The following MTAP variants were observed in gnomAD, a reference collection of about 807,000 sequenced individuals.
MTAP encodes the protein S-methyl-5'-thioadenosine phosphorylase.
A neutral mutation model predicts 33.6 loss-of-function variants in MTAP; 33 were observed. That is an observed-to-expected ratio of 0.98 (90% CI 0.74 to 1.31). The LOEUF (loss-of-function observed/expected upper bound fraction) is 1.31. Among genes scored for constraint, MTAP ranks in the 40% most tolerant of loss-of-function variants. The pLI, the probability that MTAP is intolerant of heterozygous loss-of-function variation, is 0.00. For synonymous variants in MTAP, 148 were observed against 125.7 expected (o/e 1.18, Z -1.19); for missense variants, 367 against 360.0 (o/e 1.02, Z -0.16).
chr9:21,887,697 G>A (rs539870496), intron 1 of MTAP, among the ~76,000 whole-genome samples: 61 of 152,236 alleles, frequency 4.0e-4, no homozygotes, highest in Admixed American at 1.8e-3. Context: ...ACTGACTTCC[G>A]CAATGGTTGA....
At chr9:21,937,011 C>T (rs1452552668) in exon 8 of MTAP, 1 of 152,182 alleles carries the variant, frequency 6.6e-6, no homozygotes, top group East Asian at 1.9e-4. Flanking sequence ...AAATGAATGA[C>T]TCTTGTATGG....
chr9:21,941,104 AT>A (rs796261073), downstream of MTAP: 41 of 680,766 alleles, frequency 6.0e-5, no homozygotes, highest in African/African-American at 8.0e-4. Flanking sequence ...AAATTTTAAA[AT>A]GTACCAGTTA....
rs1825834854 is a variant in MTAP at position 21,865,253 on chromosome 9, C to CAAA, written c.*3239_*3240insAAA. The stretch of plus-strand genomic sequence containing the variant: ...CTGTTTGTTTTATAAGGGGCTTTTC[C>CAAA]CCCTTTTGCTCAACACTTCTTCCTG... On this transcript the variant is annotated 3_prime_UTR_variant, in exon 8 of 8. Transcript: ENST00000644715. The CAAA allele has an allele frequency of 2.2e-6, 1 of 449,220 alleles. No homozygotes were observed. Among genetic ancestry groups the CAAA allele is most frequent in the Non-Finnish European group, 2.9e-6 (1 of 340,170 alleles). 27.8% of individuals were successfully genotyped at this position (449,220 alleles called of 1,614,324 possible). A position where few individuals can be genotyped will look rare whatever the true frequency, so the allele number is the denominator to read the frequency against.
chr9:21,817,096 A>G (rs1166027633), intron 3 of MTAP, among the ~76,000 whole-genome samples: 2 of 152,228 alleles, frequency 1.3e-5, no homozygotes, highest in African/African-American at 2.4e-5. Context: ...ACAATGCATC[A>G]TTAATGACCT....
intron 1 of MTAP, among the ~76,000 whole-genome samples, chr9:21,905,379 C>A (rs1453919142): frequency 1.3e-5 from 2 of 151,494 alleles, no homozygotes; most frequent in African/African-American, 4.9e-5. Context: ...CATTTCCCTG[C>A]CCCCCTCCCT....
intron 1 of MTAP, among the ~76,000 whole-genome samples, chr9:21,905,324 G>A (rs566596931): frequency 1.8e-3 from 276 of 152,242 alleles, no homozygotes; most frequent in Non-Finnish European, 2.9e-3. Context: ...GTGTGTGCCC[G>A]CTAGGGTTTC....
intron 1 of MTAP, among the ~76,000 whole-genome samples, chr9:21,910,379 A>G (rs1438518448): frequency 6.6e-6 from 1 of 152,194 alleles, no homozygotes; most frequent in Non-Finnish European, 1.5e-5. Flanking sequence ...AAATAAAACT[A>G]GTGTAGGTAA....
rs145796423 is a variant in MTAP at position 21,908,430 on chromosome 9, G to GT, written c.148-22572dup. Among the ~76,000 whole-genome samples, 267 of 152,148 alleles carry GT rather than the reference G, an allele frequency of 1.8e-3. 10 individuals are homozygous for GT. The East Asian group carries it at 0.045, about 26-fold the overall frequency. ...AGTTGCTATAAATATTCATGTTCAG[G>GT]TTTTTTGTGTTAAATGTGTTAATTT... On this transcript the variant is annotated intron_variant, in intron 1 of 1. Coordinates refer to the MTAP transcript ENST00000577563.
rs10628807 is a variant in MTAP, at chr9:21,852,509, C to CAAA, written c.451-2107_451-2105dup. Among the ~76,000 whole-genome samples, 157 of 114,594 alleles carry CAAA rather than the reference C, an allele frequency of 1.4e-3. 2 individuals are homozygous for CAAA. Among genetic ancestry groups the CAAA allele is most frequent in the African/African-American group, 3.3e-3 (101 of 30,336 alleles). The allele number at this position is 114,594 out of a possible 152,430, so 75.2% of individuals were successfully genotyped here. A position where few individuals can be genotyped will look rare whatever the true frequency, so the allele number is the denominator to read the frequency against. On this transcript the variant is annotated intron_variant, in intron 5 of 7. Transcript: ENST00000644715. ...TGGGCGACAGAGTGAGACTCCATCTCAAAAAAAAAAAAAAAAATGATGTAA... is the reference window on the plus strand; with the variant it reads ...TGGGCGACAGAGTGAGACTCCATCTCAAAAAAAAAAAAAAAAAAAATGATGTAA...
intron 1 of MTAP, among the ~76,000 whole-genome samples, chr9:21,920,373 C>T (rs1246751064): frequency 2.0e-5 from 3 of 152,152 alleles, no homozygotes; most frequent in Non-Finnish European, 2.9e-5. Context: ...TTGGCCACTG[C>T]GTGACGCTTT....
chr9:21,894,449 A>G (rs1002068121), intron 1 of MTAP, among the ~76,000 whole-genome samples: 1 of 151,974 alleles, frequency 6.6e-6, no homozygotes, highest in African/African-American at 2.4e-5. Flanking sequence ...AATAGAAAAA[A>G]AAGAAGTCAA....
Position 21,851,832 on chromosome 9 carries a change from G to A in MTAP, c.451-2799G>A, listed in dbSNP as rs181557337. ...CAGAAAATTGTTAAAAGAGAGACTA[G>A]CCTAGTCCCCCAGTCTACATCTTTC... On this transcript the variant is annotated intron_variant, in intron 5 of 7. Transcript: ENST00000644715. Among the ~76,000 whole-genome samples, 442 of 152,168 alleles carry A rather than the reference G, an allele frequency of 2.9e-3. 3 individuals carry two copies. Among genetic ancestry groups the A allele is most frequent in the African/African-American group, 1.0e-2 (414 of 41,524 alleles).
At chr9:21,852,745 G>C (rs1170436273) in intron 5 of MTAP, among the ~76,000 whole-genome samples, 1 of 149,784 alleles carries the variant, frequency 6.7e-6, no homozygotes, top group Admixed American at 6.7e-5. Context: ...GGTTTCCCTT[G>C]GGAAGGGACA....
chr9:21,886,333 T>G (rs1055823285), intron 1 of MTAP, among the ~76,000 whole-genome samples: 1 of 152,172 alleles, frequency 6.6e-6, no homozygotes, highest in Admixed American at 6.6e-5. Context: ...TTCAGTTCCT[T>G]GTGGATTCTG....
intron 1 of MTAP, among the ~76,000 whole-genome samples, chr9:21,889,569 C>G (rs1384211521): frequency 3.3e-5 from 5 of 152,090 alleles, no homozygotes; most frequent in Admixed American, 2.0e-4. Flanking sequence ...TTCTCTTGTC[C>G]CATGGGGTGT....
In MTAP at chr9:21,802,670, C is replaced by A; in HGVS notation, c.-79C>A. On this transcript the variant is annotated 5_prime_UTR_variant, in exon 1 of 8. Transcript: ENST00000644715. ...GCTCACTCCCGCGCAGTGAGGTTGG[C>A]ACAGCCACCGCTCTGTGGCTCGCTT... 3 of 1,555,774 alleles carry A rather than the reference C, an allele frequency of 1.9e-6. No individual in the cohort carries two copies. The highest frequency in any genetic ancestry group is 1.8e-6 in the Non-Finnish European group (2 of 1,134,090).
rs1825841938 is a variant in MTAP, at chr9:21,865,671, G to C, written c.*3657G>C. 3 of 1,010,848 alleles carry C rather than the reference G, an allele frequency of 3.0e-6. No individual in the cohort carries two copies. In the Admixed American group the frequency reaches 1.6e-4, roughly 53 times the overall value. 62.6% of individuals were successfully genotyped at this position (1,010,848 alleles called of 1,614,324 possible). A position where few individuals can be genotyped will look rare whatever the true frequency, so the allele number is the denominator to read the frequency against. On this transcript the variant is annotated 3_prime_UTR_variant, in exon 8 of 8. Transcript: ENST00000644715. Reference sequence around the variant, plus strand: ...GCCAAAGATCGAGGAAATCTACCAAGACTAGTAGGGTAGTCCAGAAGAAGC... The same window carrying C: ...GCCAAAGATCGAGGAAATCTACCAACACTAGTAGGGTAGTCCAGAAGAAGC...
chr9:21,853,202 G>A (rs149003407), intron 5 of MTAP, among the ~76,000 whole-genome samples: 52 of 152,138 alleles, frequency 3.4e-4, no homozygotes, highest in Middle Eastern at 6.8e-3. Flanking sequence ...TAGAAGCACT[G>A]TGAACTTTAG....
Position 21,817,915 on chromosome 9 carries a change from G to C in MTAP, c.180-120G>C, listed in dbSNP as rs1000064089. ...TTGCTCACTGGACTGGGTTCTAGGA[G>C]ACCCCCTGTGTTAGTCTGTGGTCAT... On this transcript the variant is annotated intron_variant, in intron 3 of 7. Coordinates refer to ENST00000644715, the MANE Select transcript of MTAP (RefSeq NM_002451.4). The C allele has an allele frequency of 7.4e-6, 7 of 945,390 alleles. No individual in the cohort carries two copies. In the African/African-American group the frequency reaches 1.0e-4, roughly 14 times the overall value. 58.6% of individuals were successfully genotyped at this position (945,390 alleles called of 1,614,324 possible).
Sources: gnomAD v4.1 joint callset for allele counts (sites outside exome capture counted in the v4.1 genomes callset) on GRCh38, gnomAD v4.1.1 for gene constraint, MANE v1.5 for transcripts, NCBI Gene and HGNC (gene_info 2026-07-23, HGNC 2026-07-21) for gene names.